Variants in SLC44A5 observed in about 807,000 individuals in gnomAD.
SLC44A5 encodes solute carrier family 44 member 5.
SLC44A5 carries 57 observed loss-of-function variants against 101.8 expected under a neutral mutation model. That is an observed-to-expected ratio of 0.56 (90% CI 0.45 to 0.70). The LOEUF (loss-of-function observed/expected upper bound fraction) is 0.70. Among genes scored for constraint, SLC44A5 ranks in the 30% least tolerant of loss-of-function variants. The probability of loss-of-function intolerance (pLI) is 0.00; values close to 1 mark genes in which losing one functional copy is unlikely to be tolerated. For missense variants in SLC44A5, 737 were observed against 853.1 expected, an observed-to-expected ratio of 0.86 and a Z score of 1.70; for synonymous variants, 281 against 290.9, an observed-to-expected ratio of 0.97 and a Z score of 0.35.
At chr1:75,483,326 C>T (rs1208187029) in intron 2 of SLC44A5, among the ~76,000 whole-genome samples, 1 of 152,032 alleles carries the variant, frequency 6.6e-6, no homozygotes, top group Non-Finnish European at 1.5e-5. Context: ...TTATTAAAAT[C>T]AAAGTTCTAA....
intron 2 of SLC44A5, among the ~76,000 whole-genome samples, chr1:75,472,783 G>A (rs1042137804): frequency 6.6e-6 from 1 of 152,090 alleles, no homozygotes; most frequent in African/African-American, 2.4e-5. Flanking sequence ...CTGGCAACCC[G>A]AGTGTCCTCA....
At chr1:75,222,037 G>A (rs1475763927) in intron 14 of SLC44A5, among the ~76,000 whole-genome samples, 5 of 148,102 alleles carry the variant, frequency 3.4e-5, no homozygotes, top group African/African-American at 1.3e-4. Context: ...TCAGCTCACC[G>A]CAACCTCTGC....
chr1:75,323,802 C>G (rs1446056901), intron 4 of SLC44A5, among the ~76,000 whole-genome samples: 2 of 152,120 alleles, frequency 1.3e-5, no homozygotes, highest in African/African-American at 4.8e-5. Context: ...AAGTTTATCT[C>G]TAAAGTCTTT....
At chr1:75,624,618 C>A in the SLC44A5 span, among the ~76,000 whole-genome samples, 1 of 152,100 alleles carries the variant, frequency 6.6e-6, no homozygotes, top group Non-Finnish European at 1.5e-5. Flanking sequence ...ACTGCTCTTG[C>A]CAAAGTCCTC....
At chr1:75,540,262 A>G (rs1671287097) in intron 2 of SLC44A5, among the ~76,000 whole-genome samples, 1 of 152,218 alleles carries the variant, frequency 6.6e-6, no homozygotes, top group South Asian at 2.1e-4. Context: ...GTTATTTTTT[A>G]CAGATGCGCA....
chr1:75,511,346 T>C (rs1669561886), intron 2 of SLC44A5, among the ~76,000 whole-genome samples: 1 of 152,206 alleles, frequency 6.6e-6, no homozygotes, highest in Non-Finnish European at 1.5e-5. Flanking sequence ...CAAACATGTT[T>C]CATAGACTTT....
chr1:75,271,501 G>GTGTGTGTA (rs1014675432), intron 6 of SLC44A5, among the ~76,000 whole-genome samples: 4 of 142,410 alleles, frequency 2.8e-5, no homozygotes, highest in African/African-American at 1.1e-4. Context: ...CATGTTTTGT[G>GTGTGTGTA]TGTGTGTGTG....
chr1:75,514,087 C>T (rs1005516573), intron 2 of SLC44A5, among the ~76,000 whole-genome samples: 1 of 152,146 alleles, frequency 6.6e-6, no homozygotes, highest in Non-Finnish European at 1.5e-5. Context: ...TCAAGCAATT[C>T]GCCCTCTTCA....
intron 1 of SLC44A5, among the ~76,000 whole-genome samples, chr1:75,591,551 T>C (rs1674354654): frequency 6.6e-6 from 1 of 152,086 alleles, no homozygotes; most frequent in African/African-American, 2.4e-5. Context: ...TTTGGTATTA[T>C]GGTGATAACA....
intron 1 of SLC44A5, among the ~76,000 whole-genome samples, chr1:75,570,638 T>C (rs1303197498): frequency 6.6e-6 from 1 of 152,182 alleles, no homozygotes; most frequent in African/African-American, 2.4e-5. Flanking sequence ...TGCCAGAAAC[T>C]ATATGTAGTT....
upstream of SLC44A5, among the ~76,000 whole-genome samples, chr1:75,615,404 C>A (rs112356533): frequency 0.066 from 7,351 of 111,682 alleles, 599 homozygotes; most frequent in African/African-American, 0.2. Context: ...ATGAAAAACT[C>A]TCTCTCTCTC....
chr1:75,645,641 A>T, the SLC44A5 span, among the ~76,000 whole-genome samples: 6 of 150,764 alleles, frequency 4.0e-5, no homozygotes, highest in Middle Eastern at 3.4e-3. Context: ...ATTGGATCCC[A>T]TTTGTCAATT....
chr1:75,420,930 A>C (rs1276420450), intron 2 of SLC44A5, among the ~76,000 whole-genome samples: 1 of 152,160 alleles, frequency 6.6e-6, no homozygotes, highest in African/African-American at 2.4e-5. Flanking sequence ...CATACTTGAT[A>C]ATGGCTATAG....
chr1:75,437,795 A>G (rs911813506), intron 2 of SLC44A5, among the ~76,000 whole-genome samples: 1 of 152,166 alleles, frequency 6.6e-6, no homozygotes, highest in African/African-American at 2.4e-5. Flanking sequence ...GCCAGCAAGA[A>G]AGCAATAATT....
intron 1 of SLC44A5, among the ~76,000 whole-genome samples, chr1:75,565,531 G>A (rs941943739): frequency 7.2e-5 from 11 of 152,194 alleles, no homozygotes; most frequent in African/African-American, 2.4e-4. Flanking sequence ...GGATAATTCT[G>A]TAAAGGGGTC....
intron 2 of SLC44A5, among the ~76,000 whole-genome samples, chr1:75,495,975 T>A (rs1469238269): frequency 6.6e-6 from 1 of 152,154 alleles, no homozygotes; most frequent in African/African-American, 2.4e-5. Context: ...TTTTAGTTAT[T>A]TTTAAATATA....
intron 3 of SLC44A5, among the ~76,000 whole-genome samples, chr1:75,352,730 C>G (rs1377635319): frequency 6.6e-6 from 1 of 152,060 alleles, no homozygotes; most frequent in African/African-American, 2.4e-5. Flanking sequence ...TGATCTGACC[C>G]TATAAAAGAA....
rs751706500 is a variant in SLC44A5, at chr1:75,214,695, C to T, written c.1729-17G>A. The T allele has an allele frequency of 6.2e-7, 1 of 1,605,026 alleles. No individual in the cohort carries two copies. Among genetic ancestry groups the T allele is most frequent in the Admixed American group, 1.7e-5 (1 of 59,376 alleles). On this transcript the variant is annotated splice_polypyrimidine_tract_variant and intron_variant, in intron 19 of 23. Transcript: ENST00000370859. ...TATTGCAATCTGAGGAAGACAGTGG[C>T]TATTATTCTGGAGCCAGTAACATAC...
chr1:75,490,440 G>A (rs1297502698), intron 2 of SLC44A5, among the ~76,000 whole-genome samples: 1 of 152,058 alleles, frequency 6.6e-6, no homozygotes, highest in Non-Finnish European at 1.5e-5. Flanking sequence ...AAAACACACT[G>A]GGACAATAGC....
Sources: allele counts gnomAD v4.1 joint callset (sites outside exome capture counted in the v4.1 genomes callset), GRCh38; gene constraint gnomAD v4.1.1; transcripts MANE v1.5; gene names NCBI Gene and HGNC (gene_info 2026-07-23, HGNC 2026-07-21).